Variants in CNTNAP2 observed in about 807,000 individuals in gnomAD.
The protein encoded by CNTNAP2 is contactin-associated protein-like 2.
In CNTNAP2, 98 loss-of-function variants were observed where a neutral mutation model predicts 155.2. That is an observed-to-expected ratio of 0.63 (90% CI 0.54 to 0.75). The LOEUF (loss-of-function observed/expected upper bound fraction) is 0.75, where lower values mean the gene tolerates loss of function less well. Among genes scored for constraint, CNTNAP2 ranks in the 30% least tolerant of loss-of-function variants. The pLI is 0.00. For synonymous variants in CNTNAP2, 651 were observed against 631.2 expected, an observed-to-expected ratio of 1.03 and a Z score of -0.47; for missense variants, 1,727 against 1,688.1, an observed-to-expected ratio of 1.02 and a Z score of -0.40.
intron 1 of CNTNAP2, among the ~76,000 whole-genome samples, chr7:146,660,020 A>T (rs1464675666): frequency 6.6e-6 from 1 of 152,246 alleles, no homozygotes; most frequent in Non-Finnish European, 1.5e-5. Flanking sequence ...GGGCACGGTT[A>T]TGCTGTTAGT....
intron 4 of CNTNAP2, 105 bp downstream of exon 4, chr7:147,044,159 A>G: frequency 1.6e-6 from 2 of 1,260,116 alleles, no homozygotes; most frequent in Non-Finnish European, 2.3e-6. Context: ...CTGACAATAA[A>G]CTACCTTCTC....
At chr7:148,213,669 G>A (rs112358394) in intron 18 of CNTNAP2, among the ~76,000 whole-genome samples, 53 of 152,068 alleles carry the variant, frequency 3.5e-4, no homozygotes, top group African/African-American at 1.2e-3. Flanking sequence ...TTCTCTAGCA[G>A]AACCTCTCTC....
At chr7:148,371,449 T>C (rs575700644) in intron 21 of CNTNAP2, among the ~76,000 whole-genome samples, 1 of 152,338 alleles carries the variant, frequency 6.6e-6, no homozygotes, top group East Asian at 1.9e-4. Context: ...GATAATGTCC[T>C]CTTGAGTGGA....
intron 11 of CNTNAP2, among the ~76,000 whole-genome samples, chr7:147,487,655 A>C: frequency 6.6e-6 from 1 of 151,994 alleles, no homozygotes; most frequent in East Asian, 1.9e-4. Flanking sequence ...AAAGCAACTT[A>C]TTCTTTTTTT....
At chr7:147,870,868 C>T (rs895785376) in intron 13 of CNTNAP2, among the ~76,000 whole-genome samples, 8 of 152,044 alleles carry the variant, frequency 5.3e-5, no homozygotes, top group Non-Finnish European at 4.4e-5. Context: ...TTCTGGCTTA[C>T]CTCCGTGGTC....
intron 9 of CNTNAP2, among the ~76,000 whole-genome samples, chr7:147,336,792 G>C (rs938443568): frequency 6.6e-6 from 1 of 152,046 alleles, no homozygotes; most frequent in Non-Finnish European, 1.5e-5. Flanking sequence ...GATTTTTAAA[G>C]TGTAAGACCA....
intron 14 of CNTNAP2, among the ~76,000 whole-genome samples, chr7:147,919,459 C>CTTTCTTTTTTTTTGTTTTTTTT (rs58537091): frequency 2.0e-5 from 1 of 51,240 alleles, no homozygotes; most frequent in Non-Finnish European, 3.3e-5. Flanking sequence ...CTTTTTCTTT[C>CTTTCTTTTTTTTTGTTTTTTTT]TTTTTTTTTT....
At chr7:147,281,508 A>G (rs1470231503) in intron 8 of CNTNAP2, among the ~76,000 whole-genome samples, 1 of 151,762 alleles carries the variant, frequency 6.6e-6, no homozygotes, top group African/African-American at 2.4e-5. Context: ...CCTTTAGTAT[A>G]TTCACAGGCT....
intron 13 of CNTNAP2, among the ~76,000 whole-genome samples, chr7:147,859,997 C>A (rs1799109106): frequency 6.6e-6 from 1 of 152,022 alleles, no homozygotes; most frequent in Non-Finnish European, 1.5e-5. Context: ...GTGTCCACAC[C>A]CAAACCTCAT....
chr7:146,521,564 A>G (rs190226874), intron 1 of CNTNAP2, among the ~76,000 whole-genome samples: 95 of 152,146 alleles, frequency 6.2e-4, no homozygotes, highest in African/African-American at 2.2e-3. Context: ...CAAATACAAA[A>G]CAGGCAATAT....
chr7:146,945,696 C>G (rs901260338), intron 3 of CNTNAP2, among the ~76,000 whole-genome samples: 5 of 152,210 alleles, frequency 3.3e-5, no homozygotes, highest in African/African-American at 1.2e-4. Context: ...GTTCTTGTCT[C>G]GAAGGGCTTT....
At chr7:146,525,400 T>G (rs1797673705) in intron 1 of CNTNAP2, among the ~76,000 whole-genome samples, 1 of 152,180 alleles carries the variant, frequency 6.6e-6, no homozygotes, top group African/African-American at 2.4e-5. Flanking sequence ...TTTCTAATCA[T>G]AATTCAACAT....
chr7:147,405,209 G>A lies in CNTNAP2; in HGVS notation c.1670+9429G>A, dbSNP rs141382440. Among the ~76,000 whole-genome samples the A allele has an allele frequency of 6.0e-3, 920 of 152,256 alleles. 5 individuals carry two copies. Among genetic ancestry groups the A allele is most frequent in the Middle Eastern group, 0.01 (3 of 294 alleles). On this transcript the variant is annotated intron_variant, in intron 10 of 23. Coordinates refer to ENST00000361727, the MANE Select transcript of CNTNAP2 (RefSeq NM_014141.6). The stretch of plus-strand genomic sequence containing the variant: ...TTTAACATGTAGCTAAATCAACTAC[G>A]GAGAGATTTAAATAAGCCAATCGAT...
chr7:147,744,242 C>A (rs1237132335), intron 13 of CNTNAP2, among the ~76,000 whole-genome samples: 2 of 152,078 alleles, frequency 1.3e-5, no homozygotes, highest in African/African-American at 4.8e-5. Flanking sequence ...GCCATCTGCC[C>A]CTTTTTACAA....
intron 1 of CNTNAP2, among the ~76,000 whole-genome samples, chr7:146,399,906 T>G (rs1795689562): frequency 6.6e-6 from 1 of 152,188 alleles, no homozygotes; most frequent in Non-Finnish European, 1.5e-5. Context: ...TTGTTGCTTA[T>G]TTTGGGATGA....
At chr7:148,063,999 C>T (rs532203739) in intron 15 of CNTNAP2, among the ~76,000 whole-genome samples, 1 of 152,118 alleles carries the variant, frequency 6.6e-6, no homozygotes, top group African/African-American at 2.4e-5. Context: ...CCTTTTCCCA[C>T]TTTATGTTTT....
Position 148,070,676 on chromosome 7 carries a change from C to G in CNTNAP2, c.2384-47442C>G, listed in dbSNP as rs371404306. Among the ~76,000 whole-genome samples the G allele has an allele frequency of 1.6e-4, 24 of 152,320 alleles. 1 individual carries two copies. In the East Asian group the frequency reaches 3.3e-3, roughly 21 times the overall value. ...AAGGTTGCAGTGAGCCGAGATCACA[C>G]CACTGCACTCCAGCCTGGGTGACAG... On this transcript the variant is annotated intron_variant, in intron 15 of 23. Coordinates refer to ENST00000361727, the MANE Select transcript of CNTNAP2 (RefSeq NM_014141.6).
intron 7 of CNTNAP2, among the ~76,000 whole-genome samples, chr7:147,131,781 A>T (rs2129285131): frequency 6.6e-6 from 1 of 152,256 alleles, no homozygotes; most frequent in African/African-American, 2.4e-5. Flanking sequence ...AATTGCAAAC[A>T]TATGACCATA....
At chr7:147,368,605 G>A (rs1030310594) in intron 9 of CNTNAP2, among the ~76,000 whole-genome samples, 1 of 152,142 alleles carries the variant, frequency 6.6e-6, no homozygotes, top group African/African-American at 2.4e-5. Flanking sequence ...GTCAGTCTGA[G>A]AGCAGGAGCA....
Sources: gnomAD v4.1 joint callset for allele counts (sites outside exome capture counted in the v4.1 genomes callset) on GRCh38, gnomAD v4.1.1 for gene constraint, MANE v1.5 for transcripts, NCBI Gene and HGNC (gene_info 2026-07-23, HGNC 2026-07-21) for gene names.